MTRF1: variants seen among roughly 807,000 people sequenced by gnomAD.
The protein encoded by MTRF1 is mitochondrial translation release factor 1.
MTRF1 carries 51 observed loss-of-function variants against 62.9 expected under a neutral mutation model. The ratio of observed to expected loss-of-function variants is 0.81; its 90% CI spans 0.65 to 1.02. MTRF1 has a LOEUF of 1.02. MTRF1 is among the 50% of genes least tolerant of loss of function. The pLI, the probability that MTRF1 is intolerant of heterozygous loss-of-function variation, is 0.00. For missense variants in MTRF1, 446 were observed against 530.0 expected (o/e 0.84, Z 1.56); for synonymous variants, 158 against 181.9 (o/e 0.87, Z 1.06).
the MTRF1 span, among the ~76,000 whole-genome samples, chr13:41,308,442 C>T: frequency 1.3e-5 from 2 of 152,108 alleles, no homozygotes; most frequent in African/African-American, 4.8e-5. Flanking sequence ...AGATAAATGA[C>T]AATGTAGATA....
the MTRF1 span, among the ~76,000 whole-genome samples, chr13:41,284,178 C>A: frequency 6.6e-6 from 1 of 151,386 alleles, no homozygotes; most frequent in Non-Finnish European, 1.5e-5. Context: ...ACCATCTCTA[C>A]AAAAAAATTA....
chr13:41,238,396 G>A (rs1031640187), intron 6 of MTRF1, among the ~76,000 whole-genome samples: 3 of 152,194 alleles, frequency 2.0e-5, no homozygotes, highest in Non-Finnish European at 4.4e-5. Flanking sequence ...ATGAATCCAT[G>A]AGTCTATAAT....
chr13:41,263,786 A>G (rs2040728861), upstream of MTRF1, among the ~76,000 whole-genome samples: 1 of 115,162 alleles, frequency 8.7e-6, no homozygotes, highest in South Asian at 3.2e-4. Context: ...GTGAGCCCAG[A>G]GCGGGGATGG....
chr13:41,256,079 C>T (rs560162106), intron 2 of MTRF1, among the ~76,000 whole-genome samples: 1 of 152,328 alleles, frequency 6.6e-6, no homozygotes, highest in South Asian at 2.1e-4. Context: ...AAGCTTTCAA[C>T]ATTTAACATT....
Position 41,260,508 on chromosome 13 carries a change from C to G in MTRF1, c.400G>C (p.Glu134Gln), listed in dbSNP as rs148490136. 246 of 1,612,538 alleles carry G rather than the reference C, an allele frequency of 1.5e-4. No individual in the cohort carries two copies. In the African/African-American group the frequency reaches 3.0e-3, roughly 20 times the overall value. Reference sequence around the variant, plus strand: ...TTTTACCTACTTTTACACATTGATTCTAATTCTTCAATTGCTTGTTCAGTC... The same window carrying G: ...TTTTACCTACTTTTACACATTGATTGTAATTCTTCAATTGCTTGTTCAGTC... ...QETEQAIEELESMCKSLNKQD... is the reference protein window; with the variant it reads ...QETEQAIEELQSMCKSLNKQD... Residue 134 changes from glutamate (E) to glutamine (Q), a missense_variant, in exon 2 of 10, where the codon GAA (glutamate) becomes CAA (glutamine). Physicochemically the swap from Glu to Gln is conservative, Grantham distance 29. Coordinates refer to ENST00000379480, the MANE Select transcript of MTRF1 (RefSeq NM_004294.4).
chr13:41,298,083 A>G, the MTRF1 span, among the ~76,000 whole-genome samples: 1 of 152,070 alleles, frequency 6.6e-6, no homozygotes, highest in Non-Finnish European at 1.5e-5. Flanking sequence ...CCTTTTTGTA[A>G]TGTCCAGGAT....
chr13:41,248,499 T>C (rs1461499653), intron 5 of MTRF1, among the ~76,000 whole-genome samples: 1 of 152,206 alleles, frequency 6.6e-6, no homozygotes, highest in African/African-American at 2.4e-5. Context: ...GTACCACCAG[T>C]TGGCCCCTGC....
At chr13:41,221,425 G>A (rs9532746) in intron 9 of MTRF1, among the ~76,000 whole-genome samples, 1 of 151,948 alleles carries the variant, frequency 6.6e-6, no homozygotes, top group Non-Finnish European at 1.5e-5. Flanking sequence ...CCCAAAGTGC[G>A]GGGATTACAG....
chr13:41,311,428 C>T, the MTRF1 span: 1 of 1,164,850 alleles, frequency 8.6e-7, no homozygotes, highest in East Asian at 2.6e-5. Context: ...CGCCCGCAGC[C>T]CGACTCTCAG....
the MTRF1 span, among the ~76,000 whole-genome samples, chr13:41,281,379 G>GT: frequency 8.8e-3 from 1,280 of 145,706 alleles, 13 homozygotes; most frequent in African/African-American, 0.029. Context: ...GTTAGTTTTT[G>GT]TTTTTTTTTT....
chr13:41,271,056 C>T, the MTRF1 span, among the ~76,000 whole-genome samples: 1 of 21,192 alleles, frequency 4.7e-5, no homozygotes, highest in East Asian at 1.4e-3. Context: ...CTTTTAAATA[C>T]ACACACACAC....
chr13:41,260,373 G>T (rs2040304549), intron 2 of MTRF1, 120 bp downstream of exon 2: 1 of 1,007,070 alleles, frequency 9.9e-7, no homozygotes, highest in Non-Finnish European at 1.4e-6. Context: ...AAAAAACAAA[G>T]ACTAAGTTCA....
intron 6 of MTRF1, among the ~76,000 whole-genome samples, chr13:41,239,714 A>G (rs1296383906): frequency 6.6e-6 from 1 of 152,254 alleles, no homozygotes; most frequent in Non-Finnish European, 1.5e-5. Flanking sequence ...AAATTTAGGC[A>G]GCAACATTAA....
the MTRF1 span, among the ~76,000 whole-genome samples, chr13:41,271,054 TACACACACACACACAC>T: frequency 2.0e-4 from 29 of 143,372 alleles, no homozygotes; most frequent in African/African-American, 6.1e-4. Context: ...GCCTTTTAAA[TACACACACACACACAC>T]ACACACACAC....
intron 6 of MTRF1, among the ~76,000 whole-genome samples, chr13:41,234,290 G>A (rs963244951): frequency 4.6e-5 from 7 of 152,158 alleles, no homozygotes; most frequent in African/African-American, 1.7e-4. Flanking sequence ...TGATCCTCCT[G>A]CCTCAGCCTG....
At chr13:41,238,489 G>A (rs2037027036) in intron 6 of MTRF1, among the ~76,000 whole-genome samples, 1 of 152,152 alleles carries the variant, frequency 6.6e-6, no homozygotes, top group South Asian at 2.1e-4. Flanking sequence ...GGTAGGAGGT[G>A]AGAAGGTAGT....
At chr13:41,249,861 G>A (rs1004522590) in intron 5 of MTRF1, among the ~76,000 whole-genome samples, 7 of 151,482 alleles carry the variant, frequency 4.6e-5, no homozygotes, top group African/African-American at 1.2e-4. Context: ...TGATCCACCC[G>A]CCTTGGTCTC....
At chr13:41,236,742 T>C (rs1341276757) in intron 6 of MTRF1, 1 of 152,108 alleles carries the variant, frequency 6.6e-6, no homozygotes, top group Non-Finnish European at 1.5e-5. Flanking sequence ...ACATAGAAAA[T>C]GTGTGGATAT....
chr13:41,233,949 G>T lies in MTRF1; in HGVS notation c.929C>A (p.Ala310Glu). 1 of 1,614,122 alleles carries T rather than the reference G, an allele frequency of 6.2e-7. No individual in the cohort carries two copies. The highest frequency in any genetic ancestry group is 8.5e-7 in the Non-Finnish European group (1 of 1,179,992). Reference sequence around the variant, plus strand: ...AGTTTTATTAACATGCTGCCCTCCTGCTCCTTTGGCTCGAAATGTATCTAT... The same window carrying T: ...AGTTTTATTAACATGCTGCCCTCCTTCTCCTTTGGCTCGAAATGTATCTAT... ...LRIDTFRAKG[A>E]GGQHVNKTDS... Residue 310 changes from alanine to glutamate, a missense_variant, in exon 7 of 10, where the codon GCA becomes GAA. Coordinates refer to ENST00000379480, the MANE Select transcript of MTRF1 (RefSeq NM_004294.4).
Sources: gnomAD v4.1 joint callset for allele counts (sites outside exome capture counted in the v4.1 genomes callset) on GRCh38, gnomAD v4.1.1 for gene constraint, MANE v1.5 for transcripts, NCBI Gene and HGNC (gene_info 2026-07-23, HGNC 2026-07-21) for gene names.